Variants in SH3YL1 observed in about 807,000 individuals in gnomAD.
The protein encoded by SH3YL1 is SH3 domain-containing YSC84-like protein 1.
Under a neutral mutation model 45.8 loss-of-function variants are expected in SH3YL1, and 41 were observed. The ratio of observed to expected loss-of-function variants is 0.89; its 90% CI spans 0.70 to 1.16. SH3YL1 has a LOEUF of 1.16. SH3YL1 is among the 50% of genes most tolerant of loss of function. The probability of loss-of-function intolerance (pLI) is 0.00; values close to 1 mark genes in which losing one functional copy is unlikely to be tolerated. For synonymous variants in SH3YL1, 152 were observed against 151.4 expected (o/e 1.00, Z -0.03); for missense variants, 389 against 409.6 (o/e 0.95, Z 0.43).
chr2:221,463 C>G (rs891126862), intron 9 of SH3YL1, among the ~76,000 whole-genome samples: 3 of 152,188 alleles, frequency 2.0e-5, no homozygotes, highest in Non-Finnish European at 4.4e-5. Context: ...AGATCACACA[C>G]CTGGTTTGGT....
intron 4 of SH3YL1, chr2:244,884 C>A: frequency 6.6e-6 from 1 of 152,412 alleles, no homozygotes; most frequent in Non-Finnish European, 1.5e-5. Context: ...GGATGCTCAG[C>A]TCAGCCAGTG....
intron 8 of SH3YL1, 59 bp downstream of exon 8, chr2:229,904 AATG>A (rs776350501): frequency 6.9e-6 from 9 of 1,301,928 alleles, no homozygotes; most frequent in African/African-American, 3.0e-5. Flanking sequence ...TTGATTTCTT[AATG>A]ATAACATTTA....
intron 9 of SH3YL1, among the ~76,000 whole-genome samples, chr2:223,903 A>G (rs1430734638): frequency 6.6e-6 from 1 of 152,210 alleles, no homozygotes; most frequent in Non-Finnish European, 1.5e-5. Flanking sequence ...AGGGGAGGCC[A>G]GGGTGAAAAG....
chr2:238,159 A>G (rs966510546), intron 4 of SH3YL1, among the ~76,000 whole-genome samples: 2 of 149,690 alleles, frequency 1.3e-5, no homozygotes, highest in East Asian at 3.9e-4. Flanking sequence ...TTCCTCCTCC[A>G]CCCTGCCGTT....
chr2:233,145 A>G lies in SH3YL1; in HGVS notation c.489T>C (p.Ser163=). ...TTTCAATCAAACAGCTCCCTTCTAAAGACACGCCTGCAAAGAGTCCCCTTG... is the reference window on the plus strand; with the variant it reads ...TTTCAATCAAACAGCTCCCTTCTAAGGACACGCCTGCAAAGAGTCCCCTTG... ...CKSRGLFAGV[S]LEGSCLIERK... The change falls in exon 6 of 10, where the codon TCT becomes TCC. Residue 163 remains serine, a synonymous_variant. Transcript: ENST00000356150. The G allele has an allele frequency of 1.3e-6, 2 of 1,599,440 alleles. No individual in the cohort carries two copies. Among genetic ancestry groups the G allele is most frequent in the Non-Finnish European group, 1.7e-6 (2 of 1,171,554 alleles).
chr2:230,008 G>T lies in SH3YL1; in HGVS notation c.739C>A (p.Gln247Lys). Reference sequence around the variant, plus strand: ...AGCTGGACTGGTGCAGATGACTGCTGTGGTCTTGACAATGGCTTTGGAGGT... The same window carrying T: ...AGCTGGACTGGTGCAGATGACTGCTTTGGTCTTGACAATGGCTTTGGAGGT... ...ELPPKPLSRP[Q>K]QSSAPVQLNS... Residue 247 changes from glutamine to lysine, a missense_variant, in exon 8 of 10, where the codon CAG becomes AAG. Coordinates refer to ENST00000356150, the MANE Select transcript of SH3YL1 (RefSeq NM_015677.4). 1 of 1,612,080 alleles carries T rather than the reference G, an allele frequency of 6.2e-7. No individual in the cohort carries two copies. The highest frequency in any genetic ancestry group is 8.5e-7 in the Non-Finnish European group (1 of 1,178,720).
intron 4 of SH3YL1, among the ~76,000 whole-genome samples, chr2:246,412 G>T (rs2103043607): frequency 6.6e-6 from 1 of 152,158 alleles, no homozygotes; most frequent in East Asian, 1.9e-4. Context: ...ATTTAATACA[G>T]ACATCATTTC....
intron 1 of SH3YL1, among the ~76,000 whole-genome samples, chr2:253,513 A>G (rs1408056920): frequency 6.6e-6 from 1 of 152,220 alleles, no homozygotes; most frequent in Non-Finnish European, 1.5e-5. Context: ...GACAGTTTAC[A>G]AATGCCATGG....
chr2:243,594 A>T (rs1484357141), intron 4 of SH3YL1: 46 of 1,520,626 alleles, frequency 3.0e-5, no homozygotes, highest in Non-Finnish European at 4.0e-5. Context: ...TCGAGTCGGT[A>T]ACCTGAACTA....
intron 4 of SH3YL1, among the ~76,000 whole-genome samples, chr2:236,051 AGCAGCATGGGCCAGGGGAG>A (rs1668287735): frequency 3.6e-5 from 1 of 28,062 alleles, no homozygotes; most frequent in Non-Finnish European, 8.5e-5. Context: ...CAGGGGAGGC[AGCAGCATGGGCCAGGGGAG>A]GCAGCATGGG....
chr2:251,677 G>A (rs907168942), intron 2 of SH3YL1, among the ~76,000 whole-genome samples: 1 of 152,150 alleles, frequency 6.6e-6, no homozygotes, highest in Non-Finnish European at 1.5e-5. Context: ...TGTGACGTCT[G>A]AGCAGATTTC....
intron 3 of SH3YL1, 81 bp downstream of exon 3, chr2:249,650 T>C (rs1668987236): frequency 2.0e-6 from 2 of 1,020,896 alleles, no homozygotes; most frequent in African/African-American, 1.6e-5. Flanking sequence ...CCTGTCCTAC[T>C]CGCTATGCAA....
chr2:254,988 T>C (rs1669252572), intron 1 of SH3YL1, among the ~76,000 whole-genome samples: 1 of 152,234 alleles, frequency 6.6e-6, no homozygotes. Context: ...CCTTTCTGGA[T>C]CTAATCAATC....
Position 218,830 on chromosome 2 carries a change from T to C in SH3YL1, c.1010A>G (p.Asn337Ser). 1 of 1,613,704 alleles carries C rather than the reference T, an allele frequency of 6.2e-7. No individual in the cohort carries two copies. Among genetic ancestry groups the C allele is most frequent in the Non-Finnish European group, 8.5e-7 (1 of 1,179,744 alleles). The change falls in exon 10 of 10, where the codon AAC becomes AGC. Residue 337 changes from asparagine to serine, a missense_variant. Transcript: ENST00000356150. ...TACGCTTTAATTCATGGTTACGTAG[T>C]TGGCTGGAAAAATGCCAGTTTGACC... is the stretch of plus-strand genomic sequence containing the variant. ...LRGQTGIFPANYVTMN is the reference protein window; with the variant it reads ...LRGQTGIFPASYVTMN
intron 4 of SH3YL1, chr2:242,981 CATATATT>C (rs1668612360): frequency 2.5e-5 from 16 of 635,592 alleles, no homozygotes; most frequent in Middle Eastern, 3.4e-4. Flanking sequence ...TAGTAATACA[CATATATT>C]TATACAAGCA....
Position 231,172 on chromosome 2 carries a change from G to A in SH3YL1, c.553C>T (p.Arg185Ter), listed in dbSNP as rs763594383. ...TCTCCAAATAAAATGTCATAAGCTC[G>A]GATATCTTGACAATAAAATCTAATG... ...TNRKFYCQDI[R>*]AYDILFGDTP... Residue 185 changes from arginine (R) to a stop codon, truncating the protein, a stop_gained, in exon 7 of 10, where the codon CGA becomes TGA. Transcript: ENST00000356150. LOFTEE classifies it high-confidence loss of function. 41 of 1,610,392 alleles carry A rather than the reference G, an allele frequency of 2.5e-5. No homozygotes were observed. The highest frequency in any genetic ancestry group is 3.1e-5 in the Non-Finnish European group (36 of 1,178,338).
chr2:263,895 C>A (rs1669716152), intron 1 of SH3YL1, 89 bp downstream of exon 1: 2 of 1,154,176 alleles, frequency 1.7e-6, no homozygotes, highest in Non-Finnish European at 1.3e-6. Flanking sequence ...CCAGAGGCAT[C>A]GCCGGTTTTC....
intron 1 of SH3YL1, chr2:262,166 C>A (rs370986732): frequency 1.9e-5 from 3 of 154,960 alleles, no homozygotes; most frequent in African/African-American, 4.8e-5. Flanking sequence ...CACTGCTTGA[C>A]AACTATGGCC....
intron 4 of SH3YL1, among the ~76,000 whole-genome samples, 185 bp downstream of exon 4, chr2:247,353 G>A (rs1668865614): frequency 6.6e-6 from 1 of 152,130 alleles, no homozygotes; most frequent in Non-Finnish European, 1.5e-5. Flanking sequence ...GGAAAGAAAA[G>A]GAAAGTAAAT....
Sources: allele counts gnomAD v4.1 joint callset (sites outside exome capture counted in the v4.1 genomes callset), GRCh38; gene constraint gnomAD v4.1.1; transcripts MANE v1.5; gene names NCBI Gene and HGNC (gene_info 2026-07-23, HGNC 2026-07-21).